CACHD1: variants seen among roughly 807,000 people sequenced by gnomAD.
CACHD1 encodes the protein cache domain containing 1, also known as VWFA and cache domain-containing protein 1.
A neutral mutation model predicts 138.7 loss-of-function variants in CACHD1; 71 were observed. That is an observed-to-expected ratio of 0.51 (90% CI 0.42 to 0.62). The LOEUF (loss-of-function observed/expected upper bound fraction) is 0.62, where lower values mean the gene tolerates loss of function less well. Among genes scored for constraint, CACHD1 ranks in the 20% least tolerant of loss-of-function variants. CACHD1 has a pLI of 0.00. For synonymous variants in CACHD1, 578 were observed against 591.5 expected (o/e 0.98, Z 0.33); for missense variants, 1,389 against 1,625.3 (o/e 0.85, Z 2.50).
intron 2 of CACHD1, among the ~76,000 whole-genome samples, chr1:64,578,741 C>T (rs1052823703): frequency 1.6e-4 from 24 of 152,208 alleles, no homozygotes; most frequent in Non-Finnish European, 2.9e-4. Flanking sequence ...TGTGGCCTCT[C>T]CATGTGTCTT....
intron 3 of CACHD1, among the ~76,000 whole-genome samples, chr1:64,602,487 G>A (rs978693892): frequency 2.6e-5 from 1 of 37,776 alleles, no homozygotes; most frequent in Non-Finnish European, 6.3e-5. Flanking sequence ...TTTTTTTTTT[G>A]TAGCTCTATT....
chr1:64,545,438 G>A (rs1385818006), intron 1 of CACHD1, among the ~76,000 whole-genome samples: 1 of 152,122 alleles, frequency 6.6e-6, no homozygotes, highest in African/African-American at 2.4e-5. Flanking sequence ...GCCTGGTTTT[G>A]AACTTTATGT....
intron 1 of CACHD1, among the ~76,000 whole-genome samples, chr1:64,541,131 T>C (rs185453854): frequency 2.2e-4 from 33 of 152,328 alleles, no homozygotes; most frequent in African/African-American, 7.5e-4. Context: ...AAGGATATCT[T>C]CCTGTTTTTG....
chr1:64,653,130 C>G (rs1649149652), intron 10 of CACHD1, among the ~76,000 whole-genome samples: 1 of 152,038 alleles, frequency 6.6e-6, no homozygotes, highest in African/African-American at 2.4e-5. Context: ...AGCAAACTAA[C>G]TCAGGAACAG....
rs552431080 is a variant in CACHD1 at position 64,487,771 on chromosome 1, G to T, written c.198+16829G>T. ...TGCTTAATTCATTTGGTTAGTAGAA[G>T]AATTCAAATCAATTAGTTTAGAAGG... On this transcript the variant is annotated intron_variant, in intron 1 of 26. Transcript: ENST00000651257. Among the ~76,000 whole-genome samples the T allele has an allele frequency of 1.6e-4, 24 of 152,312 alleles. No individual in the cohort carries two copies. The East Asian group carries it at 4.4e-3, about 28-fold the overall frequency.
chr1:64,547,130 T>C (rs1017283108), intron 1 of CACHD1, among the ~76,000 whole-genome samples: 18 of 152,220 alleles, frequency 1.2e-4, no homozygotes, highest in Non-Finnish European at 2.1e-4. Flanking sequence ...TTTTAGTCTG[T>C]AAAATGTGGT....
At chr1:64,535,471 A>G (rs1023253512) in intron 1 of CACHD1, among the ~76,000 whole-genome samples, 1 of 151,860 alleles carries the variant, frequency 6.6e-6, no homozygotes, top group African/African-American at 2.4e-5. Context: ...GATTACATGC[A>G]TGTGCCACCA....
intron 15 of CACHD1, among the ~76,000 whole-genome samples, chr1:64,664,900 A>T (rs906842217): frequency 6.6e-6 from 1 of 152,190 alleles, no homozygotes; most frequent in Non-Finnish European, 1.5e-5. Context: ...TTTGAGCCTG[A>T]AATTCTTTAT....
intron 2 of CACHD1, among the ~76,000 whole-genome samples, chr1:64,559,141 A>T (rs1646819989): frequency 6.6e-6 from 1 of 152,238 alleles, no homozygotes; most frequent in South Asian, 2.1e-4. Flanking sequence ...CAATCCCATT[A>T]TTGGGTATAT....
Position 64,682,015 on chromosome 1 carries a change from T to C in CACHD1, c.3495T>C (p.Thr1165=). ...SHEDRGIISN[T]RFIAAVIERH... is the part of the protein sequence containing the mutation. Reference sequence around the variant, plus strand: ...CTTGGCTTCCTACAGTCAGCAACACTCGGTTTATAGCTGCGGTCATCGAAC... The same window carrying C: ...CTTGGCTTCCTACAGTCAGCAACACCCGGTTTATAGCTGCGGTCATCGAAC... The change falls in exon 26 of 27, where the codon ACT becomes ACC. Residue 1165 remains threonine (T), a synonymous_variant. Coordinates refer to ENST00000651257, the MANE Select transcript of CACHD1 (RefSeq NM_020925.4). 1 of 1,614,010 alleles carries C rather than the reference T, an allele frequency of 6.2e-7. No homozygotes were observed. The highest frequency in any genetic ancestry group is 8.5e-7 in the Non-Finnish European group (1 of 1,179,960).
intron 4 of CACHD1, among the ~76,000 whole-genome samples, chr1:64,612,237 TTATTA>T (rs1285122800): frequency 6.6e-6 from 1 of 152,196 alleles, no homozygotes; most frequent in Non-Finnish European, 1.5e-5. Context: ...CAAATGAAAG[TTATTA>T]TATTATCTTA....
In CACHD1 at chr1:64,654,816, A is replaced by C; in HGVS notation, c.1782+13A>C. 1 of 1,582,390 alleles carries C rather than the reference A, an allele frequency of 6.3e-7. No individual in the cohort carries two copies. Among genetic ancestry groups the C allele is most frequent in the South Asian group, 1.1e-5 (1 of 90,462 alleles). On this transcript the variant is annotated intron_variant, in intron 12 of 26. Transcript: ENST00000651257. ...TGCCTGGAAGATGGTGAGTGAGAGG[A>C]AGTTGTGTTTGCTTGAAGAGCTACA...
At chr1:64,676,165 G>T (rs1483972946) in intron 21 of CACHD1, among the ~76,000 whole-genome samples, 182 bp downstream of exon 21, 1 of 151,930 alleles carries the variant, frequency 6.6e-6, no homozygotes, top group East Asian at 1.9e-4. Flanking sequence ...GCCATAAAAT[G>T]ATGCCTGTTT....
At chr1:64,513,208 G>A (rs1193245042) in intron 1 of CACHD1, among the ~76,000 whole-genome samples, 1 of 152,138 alleles carries the variant, frequency 6.6e-6, no homozygotes, top group African/African-American at 2.4e-5. Context: ...CAGGGGAGGG[G>A]GCTGTCCTGT....
At position 64,471,304 on chromosome 1, in the gene CACHD1, C is replaced by G. The variant is rs568115966; in HGVS notation, c.198+362C>G. Among the ~76,000 whole-genome samples, 6 of 152,290 alleles carry G rather than the reference C, an allele frequency of 3.9e-5. No individual in the cohort carries two copies. In the East Asian group the frequency reaches 7.7e-4, roughly 20 times the overall value. ...ATTTCCCATGTAGGCTTGTTTTCAC[C>G]CTGCCACGCCTGCAAACTCCCCCTT... On this transcript the variant is annotated intron_variant, in intron 1 of 26. Transcript: ENST00000651257.
chr1:64,543,665 T>C (rs1015198895), intron 1 of CACHD1, among the ~76,000 whole-genome samples: 2 of 151,582 alleles, frequency 1.3e-5, no homozygotes, highest in African/African-American at 4.8e-5. Flanking sequence ...AGAATGCCGT[T>C]TTTATTGGGC....
intron 3 of CACHD1, among the ~76,000 whole-genome samples, chr1:64,585,258 C>CATTA: frequency 6.6e-6 from 1 of 152,248 alleles, no homozygotes; most frequent in East Asian, 1.9e-4. Context: ...CACATGTGTG[C>CATTA]ATTAAGTTTG....
At chr1:64,493,430 T>C (rs542754688) in intron 1 of CACHD1, among the ~76,000 whole-genome samples, 1 of 152,326 alleles carries the variant, frequency 6.6e-6, no homozygotes, top group South Asian at 2.1e-4. Context: ...CATCACACAT[T>C]TTATTGGAAA....
chr1:64,554,077 G>A (rs116885787), intron 2 of CACHD1, among the ~76,000 whole-genome samples: 1,630 of 152,208 alleles, frequency 0.011, 46 homozygotes, highest in South Asian at 0.091. Flanking sequence ...TGTTGCCCAG[G>A]CTGGAGTGCA....
Sources: gnomAD v4.1 joint callset for allele counts (sites outside exome capture counted in the v4.1 genomes callset) on GRCh38, gnomAD v4.1.1 for gene constraint, MANE v1.5 for transcripts, NCBI Gene and HGNC (gene_info 2026-07-23, HGNC 2026-07-21) for gene names.